The following HBP1 variants were observed in gnomAD, a reference collection of about 807,000 sequenced individuals.
HBP1 encodes HMG-box transcription factor 1, also known as HMG box-containing protein 1.
Under a neutral mutation model 62.6 loss-of-function variants are expected in HBP1, and 20 were observed. The ratio of observed to expected loss-of-function variants is 0.32; its 90% CI spans 0.22 to 0.46. HBP1 has a LOEUF of 0.46. Among genes scored for constraint, HBP1 ranks in the 20% least tolerant of loss-of-function variants. The pLI is 1.00. For missense variants in HBP1, 480 were observed against 611.8 expected, an observed-to-expected ratio of 0.78 and a Z score of 2.27; for synonymous variants, 232 against 206.2, an observed-to-expected ratio of 1.12 and a Z score of -1.07.
At chr7:107,196,462 G>T (rs866386631) in intron 9 of HBP1, 3 of 352,972 alleles carry the variant, frequency 8.5e-6, no homozygotes, top group South Asian at 2.2e-5. Context: ...TAGAGACAGG[G>T]TTTCACCATG....
In HBP1 at chr7:107,169,026, T is replaced by G; in HGVS notation, c.-175T>G. 2 of 1,288,304 alleles carry G rather than the reference T, an allele frequency of 1.6e-6. No homozygotes were observed. The highest frequency in any genetic ancestry group is 2.0e-6 in the Non-Finnish European group (2 of 988,326). 79.8% of individuals were successfully genotyped at this position (1,288,304 alleles called of 1,614,324 possible). On this transcript the variant is annotated 5_prime_UTR_variant, in exon 1 of 11. Transcript: ENST00000222574. ...AAAGACTTGGTAATGGCGACGGGTT[T>G]GGTAAGTAGGAAAGTTTCGGTTGAG...
chr7:107,182,491 A>G lies in HBP1; in HGVS notation c.288A>G (p.Ser96=). The change falls in exon 3 of 11, where the codon TCA becomes TCG. Residue 96 remains serine (S), a synonymous_variant. Coordinates refer to ENST00000222574, the MANE Select transcript of HBP1 (RefSeq NM_012257.4). ...YPRSSWNQNT[S]DIPETTYREN... is the part of the protein sequence containing the mutation. ...GATCATCTTGGAACCAAAATACCTC[A>G]GACATACCAGAAACTACTTACCGTG... is the stretch of plus-strand genomic sequence containing the variant. The G allele has an allele frequency of 1.2e-6, 2 of 1,612,566 alleles. No individual in the cohort carries two copies. The highest frequency in any genetic ancestry group is 1.7e-6 in the Non-Finnish European group (2 of 1,178,560).
At chr7:107,173,032 A>T (rs1416156350) in intron 1 of HBP1, among the ~76,000 whole-genome samples, 1 of 152,228 alleles carries the variant, frequency 6.6e-6, no homozygotes, top group Non-Finnish European at 1.5e-5. Context: ...CTTTTCTTGT[A>T]GCCCGGTGGC....
chr7:107,199,526 C>G (rs1798106457), intron 9 of HBP1, among the ~76,000 whole-genome samples: 1 of 152,220 alleles, frequency 6.6e-6, no homozygotes, highest in African/African-American at 2.4e-5. Flanking sequence ...GCTTCCATAT[C>G]AGTCAGTATA....
intron 3 of HBP1, among the ~76,000 whole-genome samples, chr7:107,184,560 G>C (rs540539256): frequency 1.3e-5 from 2 of 152,140 alleles, no homozygotes; most frequent in East Asian, 1.9e-4. Context: ...GCCCAGGCTC[G>C]AGTGCAGTGG....
Position 107,185,955 on chromosome 7 carries a change from A to C in HBP1, c.540+13A>C, listed in dbSNP as rs759326176. 40 of 1,601,124 alleles carry C rather than the reference A, an allele frequency of 2.5e-5. No individual in the cohort carries two copies. The highest frequency in any genetic ancestry group is 3.3e-5 in the Non-Finnish European group (38 of 1,168,368). ...AAGACACGAAAGGGTAAGTTTATTT[A>C]TGAGGTTAAACTTTTACAAAGTTTG... is the stretch of plus-strand genomic sequence containing the variant. On this transcript the variant is annotated intron_variant, in intron 4 of 10. Transcript: ENST00000222574.
At chr7:107,178,906 C>T (rs1021138018) in intron 1 of HBP1, among the ~76,000 whole-genome samples, 6 of 152,022 alleles carry the variant, frequency 3.9e-5, no homozygotes, top group Admixed American at 3.3e-4. Context: ...TGGTGGCACG[C>T]GCCTGTAATC....
chr7:107,198,278 C>T (rs1427762895), intron 9 of HBP1, among the ~76,000 whole-genome samples: 3 of 150,286 alleles, frequency 2.0e-5, no homozygotes, highest in African/African-American at 7.4e-5. Context: ...GGTGTGATCT[C>T]GGCTCATTGC....
chr7:107,201,286 A>C, intron 10 of HBP1, 128 bp from the exon 11 acceptor site: 1 of 514,580 alleles, frequency 1.9e-6, no homozygotes, highest in South Asian at 3.8e-5. Context: ...GCTTTTTAAA[A>C]TCACCTTTAA....
chr7:107,195,750 C>CTTT, intron 8 of HBP1, 84 bp from the exon 9 acceptor site: 4 of 531,262 alleles, frequency 7.5e-6, no homozygotes, highest in East Asian at 6.9e-5. Flanking sequence ...CAGATGTTTT[C>CTTT]TTTTTTTTTT....
chr7:107,180,705 AATG>A (rs1797066161), intron 2 of HBP1, among the ~76,000 whole-genome samples: 1 of 152,206 alleles, frequency 6.6e-6, no homozygotes, highest in Non-Finnish European at 1.5e-5. Flanking sequence ...TAATTTTACA[AATG>A]ATGAAATGGA....
At chr7:107,201,130 G>A in intron 10 of HBP1, 1 of 305,022 alleles carries the variant, frequency 3.3e-6, no homozygotes. Flanking sequence ...CAGATGAGAG[G>A]GTGGCTGAAC....
At chr7:107,194,331 A>G (rs1562898569) in intron 8 of HBP1, among the ~76,000 whole-genome samples, 1 of 152,226 alleles carries the variant, frequency 6.6e-6, no homozygotes, top group Non-Finnish European at 1.5e-5. Flanking sequence ...TTCCATCAGT[A>G]GAGATGGGTA....
intron 8 of HBP1, chr7:107,192,839 G>C (rs1187433477): frequency 6.6e-6 from 1 of 152,144 alleles, no homozygotes; most frequent in East Asian, 1.9e-4. Context: ...GTATCATCAT[G>C]GAGAAACCAG....
At chr7:107,183,949 G>GT (rs1422556250) in intron 3 of HBP1, among the ~76,000 whole-genome samples, 33 of 152,248 alleles carry the variant, frequency 2.2e-4, no homozygotes, top group African/African-American at 7.7e-4. Context: ...TTGAGGACAG[G>GT]TAAAAATTTA....
chr7:107,193,617 G>C (rs576217457), intron 8 of HBP1, among the ~76,000 whole-genome samples: 11 of 152,280 alleles, frequency 7.2e-5, no homozygotes, highest in Non-Finnish European at 1.3e-4. Context: ...TTTGCACTCA[G>C]TTAAAATTTT....
chr7:107,198,116 T>TAA (rs1798016478), intron 9 of HBP1, among the ~76,000 whole-genome samples: 1 of 152,232 alleles, frequency 6.6e-6, no homozygotes, highest in Admixed American at 6.5e-5. Flanking sequence ...ATCCTGATTA[T>TAA]AAGGGGTGTA....
Position 107,196,169 on chromosome 7 carries a change from T to G in HBP1, c.1385+18T>G. 2 of 1,362,810 alleles carry G rather than the reference T, an allele frequency of 1.5e-6. No homozygotes were observed. The highest frequency in any genetic ancestry group is 2.1e-6 in the Non-Finnish European group (2 of 952,152). The allele number at this position is 1,362,810 out of a possible 1,614,324, so 84.4% of individuals were successfully genotyped here. ...GATAACAGGTAAAAATAGTGATAAT[T>G]CTGATTACAATAAATGAGTAACACT... On this transcript the variant is annotated intron_variant, in intron 9 of 10. Transcript: ENST00000222574.
Position 107,171,071 on chromosome 7 carries a change from A to ATTTTTTTT in HBP1, c.-16+1887_-16+1888insTTTTTTTT, listed in dbSNP as rs1160740045. Among the ~76,000 whole-genome samples, 543 of 84,294 alleles carry ATTTTTTTT rather than the reference A, an allele frequency of 6.4e-3. 103 individuals are homozygous for ATTTTTTTT. The highest frequency in any genetic ancestry group is 0.039 in the African/African-American group (479 of 12,242). The allele number at this position is 84,294 out of a possible 152,430, so 55.3% of individuals were successfully genotyped here. On this transcript the variant is annotated intron_variant, in intron 1 of 10. Transcript: ENST00000222574. The stretch of plus-strand genomic sequence containing the variant: ...AATATATATATATATATATATATAT[A>ATTTTTTTT]TATTTTTTTTTTTTTTTGAGAGGGA...
Sources: gnomAD v4.1 joint callset for allele counts (sites outside exome capture counted in the v4.1 genomes callset) on GRCh38, gnomAD v4.1.1 for gene constraint, MANE v1.5 for transcripts, NCBI Gene and HGNC (gene_info 2026-07-23, HGNC 2026-07-21) for gene names.